The following SPIDR variants were observed in gnomAD, a reference collection of about 807,000 sequenced individuals.
The protein encoded by SPIDR is scaffold protein involved in DNA repair.
SPIDR carries 93 observed loss-of-function variants against 104.6 expected under a neutral mutation model. That is an observed-to-expected ratio of 0.89 (90% CI 0.75 to 1.06). SPIDR has a LOEUF of 1.06. Among genes scored for constraint, SPIDR ranks in the 50% least tolerant of loss-of-function variants. The pLI is 0.00. For synonymous variants in SPIDR, 431 were observed against 416.9 expected (o/e 1.03, Z -0.41); for missense variants, 1,154 against 1,111.2 (o/e 1.04, Z -0.55).
At chr8:47,357,979 CTT>C in intron 5 of SPIDR, 1 of 438,668 alleles carries the variant, frequency 2.3e-6, no homozygotes, top group Non-Finnish European at 3.0e-6. Context: ...CTCTGGCAGT[CTT>C]TCCTCTCCAA....
At chr8:47,465,979 C>G (rs566914650) in intron 8 of SPIDR, among the ~76,000 whole-genome samples, 17 of 152,202 alleles carry the variant, frequency 1.1e-4, no homozygotes, top group African/African-American at 3.9e-4. Context: ...CATAACTCCC[C>G]TAAATATATA....
chr8:47,472,720 C>G (rs937473149), intron 8 of SPIDR, among the ~76,000 whole-genome samples: 6 of 152,090 alleles, frequency 3.9e-5, no homozygotes, highest in Non-Finnish European at 7.4e-5. Context: ...ATGCAACAAC[C>G]CAAGTAATTA....
intron 5 of SPIDR, among the ~76,000 whole-genome samples, chr8:47,387,754 T>C (rs1214734481): frequency 3.3e-5 from 5 of 152,222 alleles, no homozygotes; most frequent in African/African-American, 1.2e-4. Context: ...ACTCACTGCA[T>C]GAGCATTTCC....
At chr8:47,276,655 G>A (rs2036492224) in intron 1 of SPIDR, among the ~76,000 whole-genome samples, 1 of 152,202 alleles carries the variant, frequency 6.6e-6, no homozygotes. Context: ...AAATAAATAA[G>A]ATATTCAAAT....
chr8:47,324,707 TGGAAGA>T (rs782738438), intron 5 of SPIDR, among the ~76,000 whole-genome samples: 22 of 152,198 alleles, frequency 1.4e-4, no homozygotes, highest in Non-Finnish European at 2.8e-4. Flanking sequence ...ACCAATTACT[TGGAAGA>T]GGAAGAGGAA....
chr8:47,547,731 A>T (rs1435113378), intron 8 of SPIDR: 1 of 166,126 alleles, frequency 6.0e-6, no homozygotes, highest in Non-Finnish European at 1.4e-5. Flanking sequence ...ACGGTGGGCC[A>T]CAAATCTTCT....
chr8:47,616,045 T>C (rs576889131), intron 10 of SPIDR, among the ~76,000 whole-genome samples: 1 of 152,254 alleles, frequency 6.6e-6, no homozygotes, highest in Non-Finnish European at 1.5e-5. Context: ...GCAACTTTGC[T>C]GAAGTTTTTA....
intron 7 of SPIDR, among the ~76,000 whole-genome samples, chr8:47,423,480 C>A (rs2065910110): frequency 6.6e-6 from 1 of 151,706 alleles, no homozygotes; most frequent in Non-Finnish European, 1.5e-5. Flanking sequence ...TTCACGCCTA[C>A]AATCCCAGCT....
intron 1 of SPIDR, among the ~76,000 whole-genome samples, chr8:47,261,823 G>C (rs2032447512): frequency 6.6e-6 from 1 of 152,136 alleles, no homozygotes; most frequent in Non-Finnish European, 1.5e-5. Context: ...ACTGGCTTTA[G>C]GGAATAAAGA....
chr8:47,278,157 G>T (rs1474781545), intron 1 of SPIDR, among the ~76,000 whole-genome samples: 1 of 142,546 alleles, frequency 7.0e-6, no homozygotes. Flanking sequence ...TATCATTGTA[G>T]TTTCTTGCTT....
intron 2 of SPIDR, among the ~76,000 whole-genome samples, chr8:47,281,633 T>C (rs1417858901): frequency 2.6e-5 from 4 of 152,232 alleles, no homozygotes; most frequent in Non-Finnish European, 5.9e-5. Context: ...TTCAGTCATA[T>C]CTTCAGGTTC....
chr8:47,425,503 G>A (rs2154336961), intron 7 of SPIDR, among the ~76,000 whole-genome samples: 1 of 152,290 alleles, frequency 6.6e-6, no homozygotes, highest in African/African-American at 2.4e-5. Flanking sequence ...TTTACAGTGG[G>A]TAAATACAAC....
At chr8:47,511,083 G>T (rs1018224490) in intron 8 of SPIDR, 1 of 1,209,886 alleles carries the variant, frequency 8.3e-7, no homozygotes, top group Non-Finnish European at 1.2e-6. Flanking sequence ...CTTCCTTCAG[G>T]GTCCAGCTCT....
intron 16 of SPIDR, among the ~76,000 whole-genome samples, chr8:47,717,507 T>C (rs940618840): frequency 6.6e-6 from 1 of 152,200 alleles, no homozygotes; most frequent in African/African-American, 2.4e-5. Context: ...CATTCCTAAC[T>C]ACGGCCAATG....
intron 7 of SPIDR, among the ~76,000 whole-genome samples, chr8:47,436,933 G>A (rs1470557453): frequency 9.2e-5 from 14 of 152,080 alleles, no homozygotes; most frequent in African/African-American, 1.7e-4. Flanking sequence ...TGGGAGCGCC[G>A]CTCAGTATTG....
Position 47,631,252 on chromosome 8 carries a change from C to T in SPIDR, c.1544+32056C>T, listed in dbSNP as rs576902897. Among the ~76,000 whole-genome samples the T allele has an allele frequency of 1.0e-3, 153 of 152,238 alleles. 1 individual carries two copies. Among genetic ancestry groups the T allele is most frequent in the Non-Finnish European group, 1.9e-3 (131 of 68,014 alleles). ...ACCCTAGACCCAAACTTGTGACTGC[C>T]CCAAGGCTTTGTAACCATGGGGAAA... On this transcript the variant is annotated intron_variant, in intron 10 of 19. Coordinates refer to ENST00000297423, the MANE Select transcript of SPIDR (RefSeq NM_001080394.4).
intron 8 of SPIDR, among the ~76,000 whole-genome samples, chr8:47,571,575 A>G (rs2058530485): frequency 6.6e-6 from 1 of 152,228 alleles, no homozygotes; most frequent in African/African-American, 2.4e-5. Flanking sequence ...AATTTAATTA[A>G]TATATAAAAT....
chr8:47,528,694 T>A (rs2154383437), intron 8 of SPIDR, among the ~76,000 whole-genome samples: 1 of 151,410 alleles, frequency 6.6e-6, no homozygotes, highest in South Asian at 2.1e-4. Flanking sequence ...AGACTGGACA[T>A]GGCCACTGAA....
intron 8 of SPIDR, among the ~76,000 whole-genome samples, chr8:47,503,421 G>T (rs891216983): frequency 1.3e-5 from 2 of 152,040 alleles, no homozygotes; most frequent in African/African-American, 4.8e-5. Flanking sequence ...GATCTTTGTT[G>T]GTTTAAAGTC....
Sources: gnomAD v4.1 joint callset for allele counts (sites outside exome capture counted in the v4.1 genomes callset) on GRCh38, gnomAD v4.1.1 for gene constraint, MANE v1.5 for transcripts, NCBI Gene and HGNC (gene_info 2026-07-23, HGNC 2026-07-21) for gene names.